FBXW4: variants seen among roughly 807,000 people sequenced by gnomAD.
FBXW4 encodes F-box and WD repeat domain containing 4, also known as F-box/WD repeat-containing protein 4.
FBXW4 carries 40 observed loss-of-function variants against 61.8 expected under a neutral mutation model. The ratio of observed to expected loss-of-function variants is 0.65; its 90% confidence interval spans 0.50 to 0.84. The LOEUF (loss-of-function observed/expected upper bound fraction) is 0.84, where lower values mean the gene tolerates loss of function less well. Ranked by LOEUF, FBXW4 falls within the 40% of genes least tolerant of loss-of-function variation. FBXW4 has a pLI of 0.00. For synonymous variants in FBXW4, 311 were observed against 313.8 expected (o/e 0.99, Z 0.10); for missense variants, 672 against 753.8 (o/e 0.89, Z 1.27).
chr10:101,658,965 G>C (rs1049985285), intron 5 of FBXW4, among the ~76,000 whole-genome samples: 5 of 151,976 alleles, frequency 3.3e-5, no homozygotes, highest in Admixed American at 6.6e-5. Context: ...CCATAAGTCA[G>C]ACAGGGCTAC....
Position 101,694,581 on chromosome 10 carries a change from G to A in FBXW4, c.525C>T (p.Ala175=). 6.8e-7 allele frequency: 1 copy of A among 1,462,802 alleles called. No homozygotes were observed. The highest frequency in any genetic ancestry group is 1.4e-5 in the South Asian group (1 of 73,742). The allele number at this position is 1,462,802 out of a possible 1,614,324, so 90.6% of individuals were successfully genotyped here. Residue 175 remains alanine, a synonymous_variant, in exon 1 of 9, where the codon GCC becomes GCT. Coordinates refer to ENST00000331272, the MANE Select transcript of FBXW4 (RefSeq NM_022039.4). This position sits in a 1 kb window ranked among gnomAD's most constrained non-coding sequence, Gnocchi z 6.0. ...AGAGCGCAGGCCCCGCGGCCGGGCG[G>A]GCAGCCGACTCCCGAGCCGCCTCCT... ...EEEEAARESA[A]RPAAGPALWR...
intron 1 of FBXW4, among the ~76,000 whole-genome samples, chr10:101,679,447 T>TA (rs1326286388): frequency 6.6e-6 from 1 of 152,150 alleles, no homozygotes; most frequent in African/African-American, 2.4e-5. Context: ...TCTTTGATTT[T>TA]AAAAAAAGAA....
At chr10:101,646,590 C>T (rs187389463) in intron 5 of FBXW4, among the ~76,000 whole-genome samples, 77 of 152,316 alleles carry the variant, frequency 5.1e-4, no homozygotes, top group East Asian at 3.3e-3. Flanking sequence ...GTGAGGCAGC[C>T]GGGAAGGCCA....
intron 1 of FBXW4, among the ~76,000 whole-genome samples, chr10:101,690,238 A>G (rs761730326): frequency 6.6e-6 from 1 of 152,226 alleles, no homozygotes; most frequent in African/African-American, 2.4e-5. Context: ...CATTCAGTCT[A>G]CATTATCAAG....
intron 6 of FBXW4, among the ~76,000 whole-genome samples, chr10:101,620,596 C>T (rs991364868): frequency 3.3e-5 from 5 of 152,264 alleles, no homozygotes; most frequent in African/African-American, 1.2e-4. Context: ...TGTTTCTTCT[C>T]AGGCTCCAGG....
In FBXW4 at chr10:101,687,071, T is replaced by C. The variant is rs529864908; in HGVS notation, c.725+7310A>G. On this transcript the variant is annotated intron_variant, in intron 1 of 8. Transcript: ENST00000331272. ...TAAGGAGAATGAACTCATTACAGGG[T>C]TAGTGAGCAGGGGAAATATCATTCC... is the stretch of plus-strand genomic sequence containing the variant. Among the ~76,000 whole-genome samples, 3 of 152,260 alleles carry C rather than the reference T, an allele frequency of 2.0e-5. No homozygotes were observed. In the East Asian group the frequency reaches 5.8e-4, roughly 29 times the overall value.
At chr10:101,640,658 A>ATTT (rs200557925) in intron 5 of FBXW4, among the ~76,000 whole-genome samples, 1 of 133,034 alleles carries the variant, frequency 7.5e-6, no homozygotes, top group East Asian at 2.2e-4. Flanking sequence ...TCCCCAGCTA[A>ATTT]TTTTTTTTTT....
intron 5 of FBXW4, among the ~76,000 whole-genome samples, chr10:101,642,541 C>T (rs1436334813): frequency 6.6e-6 from 1 of 152,118 alleles, no homozygotes; most frequent in African/African-American, 2.4e-5. Context: ...TCTGGGACTT[C>T]CAAATTCCAA....
intron 2 of FBXW4, 69 bp downstream of exon 2, chr10:101,676,272 C>A: frequency 2.9e-6 from 4 of 1,361,878 alleles, no homozygotes; most frequent in East Asian, 2.3e-5. Context: ...CTATGTAGGA[C>A]CAGATTTTTT....
At chr10:101,682,634 C>A (rs1255235835) in intron 1 of FBXW4, among the ~76,000 whole-genome samples, 1 of 152,108 alleles carries the variant, frequency 6.6e-6, no homozygotes, top group Non-Finnish European at 1.5e-5. Context: ...AAAGACAGCA[C>A]TTCTCTCACC....
chr10:101,653,952 C>G (rs537307324), intron 5 of FBXW4, among the ~76,000 whole-genome samples: 1 of 152,048 alleles, frequency 6.6e-6, no homozygotes, highest in African/African-American at 2.4e-5. Flanking sequence ...CAAACCCCAT[C>G]TCTACTAAAA....
Position 101,634,691 on chromosome 10 carries a change from G to GA in FBXW4, c.1236-9882dup, listed in dbSNP as rs201467007. On this transcript the variant is annotated intron_variant, in intron 5 of 8. Coordinates refer to ENST00000331272, the MANE Select transcript of FBXW4 (RefSeq NM_022039.4). ...TATAGGGTCCACTGAATACACATTTGAAAAAAAAAATTAGAAGCCTACCTC... is the reference window on the plus strand; with the variant it reads ...TATAGGGTCCACTGAATACACATTTGAAAAAAAAAAATTAGAAGCCTACCTC... 5.6e-5 allele frequency among the ~76,000 whole-genome samples: 8 copies of GA among 143,716 alleles called. 1 individual carries two copies. The highest frequency in any genetic ancestry group is 1.4e-4 in the Admixed American group (2 of 14,478). 94.3% of individuals were successfully genotyped at this position (143,716 alleles called of 152,430 possible).
At chr10:101,647,658 C>T (rs1289017529) in intron 5 of FBXW4, among the ~76,000 whole-genome samples, 1 of 152,216 alleles carries the variant, frequency 6.6e-6, no homozygotes, top group Non-Finnish European at 1.5e-5. Flanking sequence ...TTGGAAGCTT[C>T]CTTTCTTTCC....
chr10:101,630,972 C>T (rs536767721), intron 5 of FBXW4, among the ~76,000 whole-genome samples: 1 of 152,270 alleles, frequency 6.6e-6, no homozygotes, highest in African/African-American at 2.4e-5. Flanking sequence ...GTGGAACCTA[C>T]CATCCACAGT....
At chr10:101,624,383 C>A (rs2063891414) in intron 6 of FBXW4, among the ~76,000 whole-genome samples, 2 of 151,922 alleles carry the variant, frequency 1.3e-5, no homozygotes, top group Admixed American at 6.5e-5. Context: ...CTGTATAATT[C>A]TTTTTATAGG....
intron 6 of FBXW4, among the ~76,000 whole-genome samples, chr10:101,622,683 A>C (rs2063876378): frequency 7.0e-6 from 1 of 143,536 alleles, no homozygotes; most frequent in Non-Finnish European, 1.5e-5. Flanking sequence ...AGCTGAGATC[A>C]CGCCACTGCA....
At chr10:101,649,954 C>T (rs1287790937) in intron 5 of FBXW4, among the ~76,000 whole-genome samples, 1 of 152,238 alleles carries the variant, frequency 6.6e-6, no homozygotes, top group Admixed American at 6.5e-5. Context: ...GACTTCCTGA[C>T]TCCAGGTACT....
intron 5 of FBXW4, among the ~76,000 whole-genome samples, chr10:101,629,480 C>A (rs2063934160): frequency 6.6e-6 from 1 of 152,038 alleles, no homozygotes; most frequent in South Asian, 2.1e-4. Context: ...GAGAGGGTTT[C>A]CCCAGGTTGG....
chr10:101,681,987 C>A (rs1589781031), intron 1 of FBXW4, among the ~76,000 whole-genome samples: 1 of 152,110 alleles, frequency 6.6e-6, no homozygotes, highest in Admixed American at 6.5e-5. Context: ...TTATCCATTT[C>A]TTCACCTATA....
Sources: gnomAD v4.1 joint callset for allele counts (sites outside exome capture counted in the v4.1 genomes callset) on GRCh38, gnomAD v4.1.1 for gene constraint, Gnocchi (gnomAD v3.1) non-coding constraint, MANE v1.5 for transcripts, NCBI Gene and HGNC (gene_info 2026-07-23, HGNC 2026-07-21) for gene names.